UTP20: variants seen among roughly 807,000 people sequenced by gnomAD.
UTP20 encodes small subunit processome component 20 homolog.
UTP20 carries 164 observed loss-of-function variants against 329.5 expected under a neutral mutation model. That is an observed-to-expected ratio of 0.50 (90% CI 0.44 to 0.57). UTP20 has a LOEUF of 0.57. UTP20 is among the 20% of genes least tolerant of loss of function. The probability of loss-of-function intolerance (pLI) is 0.00; values close to 1 mark genes in which losing one functional copy is unlikely to be tolerated. For synonymous variants in UTP20, 1,151 were observed against 1,159.3 expected (o/e 0.99, Z 0.14); for missense variants, 3,055 against 3,284.2 (o/e 0.93, Z 1.71).
At chr12:101,363,800 A>T in intron 45 of UTP20, 57 bp downstream of exon 45, 4 of 1,183,572 alleles carry the variant, frequency 3.4e-6, no homozygotes, top group Non-Finnish European at 5.0e-6. Flanking sequence ...TGAGTTCCTA[A>T]AAGGAACCAT....
chr12:101,371,218 C>A, intron 51 of UTP20, 50 bp downstream of exon 51: 1 of 1,347,374 alleles, frequency 7.4e-7, no homozygotes, highest in Non-Finnish European at 1.0e-6. Flanking sequence ...CCTGCCGCAT[C>A]TTTGTGGCAG....
chr12:101,316,297 A>C (rs1168050925), intron 21 of UTP20, among the ~76,000 whole-genome samples: 1 of 152,202 alleles, frequency 6.6e-6, no homozygotes, highest in Admixed American at 6.5e-5. Flanking sequence ...GGACACTCTT[A>C]TGGATGCTTT....
chr12:101,356,332 G>T (rs1004628089), intron 41 of UTP20, among the ~76,000 whole-genome samples: 4 of 152,132 alleles, frequency 2.6e-5, no homozygotes, highest in Non-Finnish European at 5.9e-5. Flanking sequence ...CTCCAGGTTG[G>T]TCAGGGTGGT....
rs1868865438 is a variant in UTP20, at chr12:101,334,365, G to A, written c.3562-60G>A. On this transcript the variant is annotated intron_variant, in intron 28 of 61. Transcript: ENST00000261637. ...TGATTTCTGTACTTGTTAGTTATTT[G>A]TGGTTTTTCTATAATTTGGTATATG... The A allele has an allele frequency of 3.5e-6, 5 of 1,420,588 alleles. No individual in the cohort carries two copies. The Admixed American group carries it at 8.9e-5, about 25-fold the overall frequency. 88.0% of individuals were successfully genotyped at this position (1,420,588 alleles called of 1,614,324 possible).
At chr12:101,331,568 AAC>A (rs1282958043) in intron 27 of UTP20, among the ~76,000 whole-genome samples, 1 of 152,194 alleles carries the variant, frequency 6.6e-6, no homozygotes, top group African/African-American at 2.4e-5. Context: ...TTGCTCAGCA[AAC>A]TAATGACATC....
chr12:101,356,872 G>A, intron 42 of UTP20, 54 bp from the exon 43 acceptor site: 2 of 1,559,788 alleles, frequency 1.3e-6, no homozygotes, highest in Non-Finnish European at 1.7e-6. Context: ...ATATGTGTAT[G>A]TTTAATTGCT....
rs200869541 is a variant in UTP20 at position 101,324,217 on chromosome 12, C to CATTTATTTATTTATTTATTT, written c.3041+2605_3041+2624dup. 5.2e-4 allele frequency among the ~76,000 whole-genome samples: 76 copies of CATTTATTTATTTATTTATTT among 146,578 alleles called. 1 individual carries two copies. Among genetic ancestry groups the CATTTATTTATTTATTTATTT allele is most frequent in the Admixed American group, 1.7e-3 (25 of 14,610 alleles). ...ACTTTCTCTACTGATTTGAGAGCCA[C>CATTTATTTATTTATTTATTT]ATTTATTTATTTATTTATTTATTTA... is the stretch of plus-strand genomic sequence containing the variant. On this transcript the variant is annotated intron_variant, in intron 25 of 61. Coordinates refer to ENST00000261637, the MANE Select transcript of UTP20 (RefSeq NM_014503.3).
At chr12:101,354,280 A>AAAAG (rs1869640208) in intron 40 of UTP20, among the ~76,000 whole-genome samples, 1 of 134,162 alleles carries the variant, frequency 7.5e-6, no homozygotes, top group African/African-American at 3.5e-5. Flanking sequence ...AAAAAAAAAA[A>AAAAG]AAAAGAAAAG....
intron 43 of UTP20, among the ~76,000 whole-genome samples, chr12:101,359,999 C>T (rs1315589268): frequency 6.6e-6 from 1 of 152,210 alleles, no homozygotes; most frequent in Non-Finnish European, 1.5e-5. Context: ...ACAAGGAGGA[C>T]TACATCTCTG....
At chr12:101,375,313 T>C (rs1404473711) in intron 55 of UTP20, among the ~76,000 whole-genome samples, 1 of 152,022 alleles carries the variant, frequency 6.6e-6, no homozygotes, top group Non-Finnish European at 1.5e-5. Context: ...TCATGGTATA[T>C]GAAGATCAAA....
intron 25 of UTP20, among the ~76,000 whole-genome samples, chr12:101,324,455 AT>A (rs1195451735): frequency 6.6e-6 from 1 of 151,882 alleles, no homozygotes; most frequent in Admixed American, 6.6e-5. Flanking sequence ...AAATTTTTGT[AT>A]TTTTTTGTAG....
intron 11 of UTP20, 56 bp downstream of exon 11, chr12:101,293,301 C>T (rs576200129): frequency 5.2e-5 from 79 of 1,515,038 alleles, no homozygotes; most frequent in Admixed American, 1.2e-4. Context: ...CAGGAAAAAA[C>T]GATCAAATTT....
chr12:101,307,479 C>T (rs373092632), intron 17 of UTP20, among the ~76,000 whole-genome samples: 1 of 152,058 alleles, frequency 6.6e-6, no homozygotes, highest in Admixed American at 6.6e-5. Flanking sequence ...CCGGCTCAAG[C>T]GATCCTCCTG....
chr12:101,288,902 T>C lies in UTP20; in HGVS notation c.516-58T>C, dbSNP rs551575856. The stretch of plus-strand genomic sequence containing the variant: ...TGTTGCCCATATTGTTGACATGTAG[T>C]ATGTATTTATTACAATTATATGATT... On this transcript the variant is annotated intron_variant, in intron 5 of 61. Coordinates refer to ENST00000261637, the MANE Select transcript of UTP20 (RefSeq NM_014503.3). 1.8e-5 allele frequency: 26 copies of C among 1,430,654 alleles called. No homozygotes were observed. In the African/African-American group the frequency reaches 3.2e-4, roughly 17 times the overall value. 88.6% of individuals were successfully genotyped at this position (1,430,654 alleles called of 1,614,324 possible).
intron 54 of UTP20, 93 bp downstream of exon 54, chr12:101,373,860 G>T (rs540976475): frequency 2.6e-5 from 35 of 1,368,130 alleles, no homozygotes; most frequent in African/African-American, 1.3e-4. Flanking sequence ...TGTTGAATTG[G>T]TTTTTTTCCC....
intron 25 of UTP20, among the ~76,000 whole-genome samples, chr12:101,322,650 T>C (rs1868402679): frequency 6.6e-6 from 1 of 152,182 alleles, no homozygotes; most frequent in Non-Finnish European, 1.5e-5. Flanking sequence ...GTCTTTTAGA[T>C]CCACTGGGCT....
intron 25 of UTP20, among the ~76,000 whole-genome samples, chr12:101,325,063 C>A (rs1428973291): frequency 6.6e-6 from 1 of 152,182 alleles, no homozygotes; most frequent in African/African-American, 2.4e-5. Context: ...AAAAAAATCA[C>A]AAATGGTAAT....
rs1565799868 is a variant in UTP20, at chr12:101,345,528, G to A, written c.4606-26G>A. The A allele has an allele frequency of 6.5e-6, 9 of 1,378,430 alleles. No individual in the cohort carries two copies. In the East Asian group the frequency reaches 1.5e-4, roughly 23 times the overall value. The allele number at this position is 1,378,430 out of a possible 1,614,324, so 85.4% of individuals were successfully genotyped here. A position where few individuals can be genotyped will look rare whatever the true frequency, so the allele number is the denominator to read the frequency against. On this transcript the variant is annotated intron_variant, in intron 36 of 61. Coordinates refer to ENST00000261637, the MANE Select transcript of UTP20 (RefSeq NM_014503.3). ...AAACAAATTCTTTTTAAAATAAAAT[G>A]TTTTTTCTCCACTTCATATTTACAG... is the stretch of plus-strand genomic sequence containing the variant.
At chr12:101,352,246 T>G (rs749378277) in intron 39 of UTP20, 52 bp downstream of exon 39, 2 of 1,556,120 alleles carry the variant, frequency 1.3e-6, no homozygotes, top group South Asian at 2.4e-5. Context: ...AATTTATGGC[T>G]GCATAGTATT....
Sources: allele counts gnomAD v4.1 joint callset (sites outside exome capture counted in the v4.1 genomes callset), GRCh38; gene constraint gnomAD v4.1.1; transcripts MANE v1.5; gene names NCBI Gene and HGNC (gene_info 2026-07-23, HGNC 2026-07-21).